CWF19L1: variants seen among roughly 807,000 people sequenced by gnomAD.
The protein encoded by CWF19L1 is CWF19-like protein 1.
CWF19L1 carries 60 observed loss-of-function variants against 69.7 expected under a neutral mutation model. That is an observed-to-expected ratio of 0.86 (90% CI 0.70 to 1.07). The LOEUF is 1.07. Ranked by LOEUF, CWF19L1 falls within the 50% of genes least tolerant of loss-of-function variation. The probability of loss-of-function intolerance (pLI) is 0.00; values close to 1 mark genes in which losing one functional copy is unlikely to be tolerated. For missense variants in CWF19L1, 591 were observed against 638.9 expected, an observed-to-expected ratio of 0.92 and a Z score of 0.81; for synonymous variants, 209 against 222.2, an observed-to-expected ratio of 0.94 and a Z score of 0.53.
At chr10:100,256,174 A>T in intron 5 of CWF19L1, 88 bp downstream of exon 5, 1 of 981,132 alleles carries the variant, frequency 1.0e-6, no homozygotes, top group South Asian at 1.4e-5. Flanking sequence ...GAGCTAAAAT[A>T]CTCAATATAA....
At chr10:100,248,273 G>A in intron 7 of CWF19L1, 2 of 1,320,768 alleles carry the variant, frequency 1.5e-6, no homozygotes, top group Admixed American at 1.7e-5. Flanking sequence ...GGCTGCCAAA[G>A]TGTTTTGAGT....
At chr10:100,262,486 G>A (rs1296363821) in intron 1 of CWF19L1, 1 of 984,998 alleles carries the variant, frequency 1.0e-6, no homozygotes, top group African/African-American at 1.7e-5. Flanking sequence ...CAGGGCTTCA[G>A]TCATTCATTT....
chr10:100,243,453 T>C (rs1372080365), intron 10 of CWF19L1, among the ~76,000 whole-genome samples: 1 of 152,158 alleles, frequency 6.6e-6, no homozygotes, highest in Non-Finnish European at 1.5e-5. Flanking sequence ...AGTAGACTAG[T>C]TGCTGCCTGA....
chr10:100,245,713 G>T, intron 9 of CWF19L1, 86 bp downstream of exon 9: 3 of 926,672 alleles, frequency 3.2e-6, no homozygotes, highest in Non-Finnish European at 5.2e-6. Flanking sequence ...GCCAGAAGAG[G>T]CTCTCTTAGC....
chr10:100,257,740 A>C (rs1313462182), intron 4 of CWF19L1, among the ~76,000 whole-genome samples: 1 of 152,078 alleles, frequency 6.6e-6, no homozygotes, highest in Non-Finnish European at 1.5e-5. Context: ...TTTACCTCTC[A>C]AACAGTCCTC....
At chr10:100,255,239 C>G (rs1028557640) in intron 5 of CWF19L1, among the ~76,000 whole-genome samples, 4 of 152,232 alleles carry the variant, frequency 2.6e-5, no homozygotes, top group Non-Finnish European at 5.9e-5. Context: ...TAAAATCTGG[C>G]CAGGTATGGT....
At chr10:100,243,614 G>A in intron 10 of CWF19L1, 84 bp downstream of exon 10, 2 of 1,179,466 alleles carry the variant, frequency 1.7e-6, no homozygotes, top group South Asian at 1.2e-5. Context: ...ATGGGTAAAT[G>A]TTATATGTAG....
rs1178290629 is a variant in CWF19L1, at chr10:100,238,044, T to C, written c.1232A>G (p.Lys411Arg). Residue 411 changes from lysine to arginine, a missense_variant, in exon 11 of 14, where the codon AAG becomes AGG. By Grantham distance (26) the Lys-to-Arg change is conservative. Transcript: ENST00000354105. ...TACCTGTAGCTGGAGGTGATGGCTCTTATAATTTCTCTCAAATACAACACA... is the reference window on the plus strand; with the variant it reads ...TACCTGTAGCTGGAGGTGATGGCTCCTATAATTTCTCTCAAATACAACACA... The part of the protein sequence containing the change: ...KWCVVFERNY[K>R]SHHLQLQVIP... 2 of 1,614,214 alleles carry C rather than the reference T, an allele frequency of 1.2e-6. No homozygotes were observed. Among genetic ancestry groups the C allele is most frequent in the East Asian group, 4.5e-5 (2 of 44,890 alleles).
intron 5 of CWF19L1, chr10:100,253,888 T>C (rs1266554038): frequency 5.7e-6 from 1 of 176,720 alleles, no homozygotes; most frequent in Non-Finnish European, 1.2e-5. Context: ...TTGTTTTTTT[T>C]TTTTGAGATG....
At chr10:100,256,583 A>G in intron 4 of CWF19L1, 107 bp from the exon 5 acceptor site, 1 of 833,728 alleles carries the variant, frequency 1.2e-6, no homozygotes, top group Non-Finnish European at 2.0e-6. Context: ...GCCATTTTAC[A>G]TGTCTGAAGT....
intron 1 of CWF19L1, among the ~76,000 whole-genome samples, chr10:100,262,992 C>T (rs4919443): frequency 0.075 from 11,423 of 151,660 alleles, 773 homozygotes; most frequent in African/African-American, 0.17. Flanking sequence ...TGCAGTGGCA[C>T]GACCTTGGCT....
At chr10:100,238,545 G>C (rs979845607) in intron 10 of CWF19L1, among the ~76,000 whole-genome samples, 1 of 152,156 alleles carries the variant, frequency 6.6e-6, no homozygotes, top group African/African-American at 2.4e-5. Flanking sequence ...AGAACAAATC[G>C]CTGGGTTTTC....
chr10:100,242,071 C>T (rs1846655925), intron 10 of CWF19L1, among the ~76,000 whole-genome samples: 1 of 152,042 alleles, frequency 6.6e-6, no homozygotes, highest in South Asian at 2.1e-4. Flanking sequence ...CTAATCCAGC[C>T]CTACCCAAGC....
chr10:100,253,876 G>T (rs996907199), intron 5 of CWF19L1: 4 of 182,530 alleles, frequency 2.2e-5, no homozygotes, highest in Non-Finnish European at 4.3e-5. Flanking sequence ...TCTAGTTTTG[G>T]TTTGTTTTTT....
At chr10:100,259,539 T>TA (rs1053464740) in intron 4 of CWF19L1, among the ~76,000 whole-genome samples, 5 of 152,194 alleles carry the variant, frequency 3.3e-5, no homozygotes, top group African/African-American at 1.2e-4. Context: ...GATTGTATGG[T>TA]AAAGCCACAT....
Position 100,243,692 on chromosome 10 carries a change from A to C in CWF19L1, c.1044+6T>G, listed in dbSNP as rs1374740149. The C allele has an allele frequency of 6.2e-7, 1 of 1,613,292 alleles. No individual in the cohort carries two copies. Among genetic ancestry groups the C allele is most frequent in the African/African-American group, 1.3e-5 (1 of 74,938 alleles). ...CTTCTCTATAAAGTCCAAGGAAGTA[A>C]CTCACATGTGTGCCGATGTTGACCA... On this transcript the variant is annotated splice_donor_region_variant and intron_variant, in intron 10 of 13. Coordinates refer to ENST00000354105, the MANE Select transcript of CWF19L1 (RefSeq NM_018294.6).
chr10:100,249,527 T>C (rs1453721499), intron 7 of CWF19L1, among the ~76,000 whole-genome samples: 2 of 152,182 alleles, frequency 1.3e-5, no homozygotes, highest in African/African-American at 4.8e-5. Context: ...CAGGTATCAC[T>C]AAGATTTCCC....
chr10:100,257,270 C>T (rs1475057120), intron 4 of CWF19L1, among the ~76,000 whole-genome samples: 1 of 150,518 alleles, frequency 6.6e-6, no homozygotes, highest in African/African-American at 2.5e-5. Context: ...AAGAGTCATC[C>T]ATGCTAAGTG....
At chr10:100,237,360 A>G in intron 11 of CWF19L1, 1 of 426,558 alleles carries the variant, frequency 2.3e-6, no homozygotes, top group Non-Finnish European at 4.6e-6. Flanking sequence ...CTTTGAGACT[A>G]TTTCCTACCA....
Sources: allele counts gnomAD v4.1 joint callset (sites outside exome capture counted in the v4.1 genomes callset), GRCh38; gene constraint gnomAD v4.1.1; transcripts MANE v1.5; gene names NCBI Gene and HGNC (gene_info 2026-07-23, HGNC 2026-07-21).